Variants in ELAVL1 observed in about 807,000 individuals in gnomAD.
ELAVL1 encodes ELAV-like protein 1.
In ELAVL1, 1 loss-of-function variant was observed where a neutral mutation model predicts 28.4. The ratio of observed to expected loss-of-function variants is 0.04; its 90% confidence interval spans 0.01 to 0.17. The LOEUF is 0.17. ELAVL1 is among the 10% of genes least tolerant of loss of function. ELAVL1 has a pLI of 1.00. For missense variants in ELAVL1, 157 were observed against 447.2 expected (o/e 0.35, Z 5.85); for synonymous variants, 174 against 183.5 (o/e 0.95, Z 0.42).
At chr19:7,974,937 C>T (rs1036403286) in intron 3 of ELAVL1, among the ~76,000 whole-genome samples, 2 of 152,178 alleles carry the variant, frequency 1.3e-5, no homozygotes, top group African/African-American at 4.8e-5. Flanking sequence ...GGGCAGTGGG[C>T]GGCCCAGCAG....
At position 7,992,449 on chromosome 19, in the gene ELAVL1, T is replaced by C. The variant is rs563276167; in HGVS notation, c.-16-618A>G. Among the ~76,000 whole-genome samples the C allele has an allele frequency of 3.3e-5, 5 of 152,296 alleles. No homozygotes were observed. In the East Asian group the frequency reaches 7.7e-4, roughly 23 times the overall value. On this transcript the variant is annotated intron_variant, in intron 1 of 5. Coordinates refer to ENST00000407627, the MANE Select transcript of ELAVL1 (RefSeq NM_001419.3). ...TTTGATGATAAAAAGAAATGAGCTA[T>C]TAAGCTAGGAAAGACATTTAAAGGA...
chr19:7,964,738 A>T (rs953493750), intron 5 of ELAVL1, among the ~76,000 whole-genome samples: 1 of 152,218 alleles, frequency 6.6e-6, no homozygotes, highest in African/African-American at 2.4e-5. Context: ...CCTTCTGAAA[A>T]TGTACAGATG....
At chr19:8,002,275 T>C (rs1397543805) in intron 1 of ELAVL1, 3 of 470,220 alleles carry the variant, frequency 6.4e-6, no homozygotes, top group Non-Finnish European at 1.2e-5. Context: ...CTGCCTCCTC[T>C]CCTCCAGGAA....
At chr19:7,993,431 A>G (rs1309755926) in intron 1 of ELAVL1, among the ~76,000 whole-genome samples, 2 of 152,212 alleles carry the variant, frequency 1.3e-5, no homozygotes, top group Admixed American at 6.5e-5. Context: ...CCAAAGACAC[A>G]GTGAGTGAGC....
At chr19:7,983,313 C>T (rs550811064) in intron 2 of ELAVL1, among the ~76,000 whole-genome samples, 5 of 152,174 alleles carry the variant, frequency 3.3e-5, no homozygotes, top group South Asian at 4.1e-4. Flanking sequence ...GAACAAGCAA[C>T]GGAGCAGTGC....
At chr19:7,964,182 C>T (rs1039719280) in intron 5 of ELAVL1, among the ~76,000 whole-genome samples, 1 of 152,204 alleles carries the variant, frequency 6.6e-6, no homozygotes, top group Admixed American at 6.5e-5. Flanking sequence ...CTCAGTTCTC[C>T]CTGGAGGAAA....
chr19:7,996,496 C>CT (rs942888517), intron 1 of ELAVL1, among the ~76,000 whole-genome samples: 1 of 149,554 alleles, frequency 6.7e-6, no homozygotes, highest in South Asian at 2.3e-4. Flanking sequence ...GCCCAGAACA[C>CT]TTTTTTTTAA....
chr19:7,973,900 C>T (rs763158396), intron 3 of ELAVL1, 22 bp from the exon 4 acceptor site: 22 of 1,613,170 alleles, frequency 1.4e-5, no homozygotes, highest in Admixed American at 3.3e-5. Context: ...AACCACTTTC[C>T]GAGATTAGTA....
chr19:7,973,316 C>T (rs1163222454), intron 4 of ELAVL1: 7 of 304,796 alleles, frequency 2.3e-5, no homozygotes, highest in Middle Eastern at 8.8e-4. Flanking sequence ...CTGCAACCTC[C>T]GCTTCCCGGG....
Position 7,980,317 on chromosome 19 carries a change from G to C in ELAVL1, c.276+766C>G, listed in dbSNP as rs952896134. Reference sequence around the variant, plus strand: ...AGTACCCAGGACTGACAGGAGACCAGGGAGCAAAGGTCGGAAAGACACGAG... The same window carrying C: ...AGTACCCAGGACTGACAGGAGACCACGGAGCAAAGGTCGGAAAGACACGAG... On this transcript the variant is annotated intron_variant, in intron 3 of 5. Coordinates refer to ENST00000407627, the MANE Select transcript of ELAVL1 (RefSeq NM_001419.3). Among the ~76,000 whole-genome samples the C allele has an allele frequency of 3.9e-5, 6 of 152,326 alleles. No individual in the cohort carries two copies. The East Asian group carries it at 5.8e-4, about 15-fold the overall frequency.
intron 5 of ELAVL1, 70 bp downstream of exon 5, chr19:7,967,495 C>T: frequency 2.6e-6 from 4 of 1,529,190 alleles, no homozygotes; most frequent in Non-Finnish European, 3.5e-6. Context: ...GGTTTCTATT[C>T]TGTGGCTGTG....
chr19:7,992,979 G>C (rs1985791246), intron 1 of ELAVL1, among the ~76,000 whole-genome samples: 1 of 152,130 alleles, frequency 6.6e-6, no homozygotes, highest in Admixed American at 6.6e-5. Context: ...ATCTTGCCCA[G>C]GTTAATTTTG....
At chr19:7,973,283 T>G (rs900008589) in intron 4 of ELAVL1, 58 of 250,994 alleles carry the variant, frequency 2.3e-4, no homozygotes, top group Non-Finnish European at 3.5e-4. Flanking sequence ...CACGCTGGAG[T>G]GCAGTGGCAA....
At chr19:7,971,791 G>A (rs552855211) in intron 4 of ELAVL1, among the ~76,000 whole-genome samples, 5 of 152,236 alleles carry the variant, frequency 3.3e-5, no homozygotes, top group African/African-American at 9.6e-5. Context: ...AACGAAGGCC[G>A]GCAGCGGCAG....
chr19:7,964,324 G>A (rs1171783288), intron 5 of ELAVL1, among the ~76,000 whole-genome samples: 1 of 152,082 alleles, frequency 6.6e-6, no homozygotes, highest in Non-Finnish European at 1.5e-5. Flanking sequence ...CTTTGCCAGG[G>A]CCACTTGTAG....
Position 7,963,660 on chromosome 19 carries a change from A to G in ELAVL1, c.804T>C (p.Gly268=), listed in dbSNP as rs14394. The change falls in exon 6 of 6, where the codon GGT becomes GGC. Residue 268 remains glycine (G), a synonymous_variant. Transcript: ENST00000407627. This position sits in a 1 kb window ranked among gnomAD's most constrained non-coding sequence, Gnocchi z 4.5. ...GGATCACTTTCACATTGGTGACGGC[A>G]CCAAACGGCCCAAACATCTGCCAGA... The part of the protein sequence containing the change: ...GILWQMFGPF[G]AVTNVKVIRD... 0.27 allele frequency: 431,214 copies of G among 1,614,156 alleles called. 61,496 individuals are homozygous for G. The highest frequency in any genetic ancestry group is 0.3 in the Non-Finnish European group (350,627 of 1,180,018).
At chr19:7,998,926 T>C (rs1347926066) in intron 1 of ELAVL1, among the ~76,000 whole-genome samples, 3 of 152,170 alleles carry the variant, frequency 2.0e-5, no homozygotes, top group Non-Finnish European at 4.4e-5. Context: ...TACTGGTGTG[T>C]GCCACCATAC....
At chr19:7,972,007 A>G (rs769666102) in intron 4 of ELAVL1, among the ~76,000 whole-genome samples, 8 of 152,250 alleles carry the variant, frequency 5.3e-5, no homozygotes, top group Non-Finnish European at 1.2e-4. Flanking sequence ...TCTCTCAAAA[A>G]GAGGTCACCT....
At chr19:7,998,412 G>C (rs548027775) in intron 1 of ELAVL1, among the ~76,000 whole-genome samples, 12 of 152,282 alleles carry the variant, frequency 7.9e-5, no homozygotes, top group African/African-American at 2.6e-4. Flanking sequence ...TGATGCTCAC[G>C]GTCAGGCATG....
Sources: gnomAD v4.1 joint callset for allele counts (sites outside exome capture counted in the v4.1 genomes callset) on GRCh38, gnomAD v4.1.1 for gene constraint, Gnocchi (gnomAD v3.1) non-coding constraint, MANE v1.5 for transcripts, NCBI Gene and HGNC (gene_info 2026-07-23, HGNC 2026-07-21) for gene names.